SETBP1: variants seen among roughly 807,000 people sequenced by gnomAD.
SETBP1 encodes the protein SET binding protein 1, also known as SET-binding protein.
SETBP1 carries 9 observed loss-of-function variants against 101.0 expected under a neutral mutation model. That is an observed-to-expected ratio of 0.09 (90% CI 0.05 to 0.16). SETBP1 has a LOEUF of 0.16. Among genes scored for constraint, SETBP1 ranks in the 10% least tolerant of loss-of-function variants. The pLI, the probability that SETBP1 is intolerant of heterozygous loss-of-function variation, is 1.00. For synonymous variants in SETBP1, 818 were observed against 788.5 expected (o/e 1.04, Z -0.63); for missense variants, 1,858 against 2,033.8 (o/e 0.91, Z 1.66).
intron 2 of SETBP1, among the ~76,000 whole-genome samples, chr18:44,795,563 A>T (rs2071457336): frequency 6.6e-6 from 1 of 152,188 alleles, no homozygotes; most frequent in Admixed American, 6.5e-5. Context: ...GGTGATTATT[A>T]TCTGATGAAA....
At chr18:44,875,154 A>G (rs1442925821) in intron 3 of SETBP1, among the ~76,000 whole-genome samples, 1 of 152,148 alleles carries the variant, frequency 6.6e-6, no homozygotes, top group African/African-American at 2.4e-5. Flanking sequence ...GTTTTTCAGA[A>G]CAAAGTCACC....
intron 2 of SETBP1, among the ~76,000 whole-genome samples, chr18:44,705,160 T>C (rs1200453286): frequency 2.6e-5 from 4 of 152,262 alleles, no homozygotes; most frequent in Non-Finnish European, 5.9e-5. Context: ...TAATGTTTTT[T>C]ACATTTTTAA....
At chr18:44,816,886 G>A (rs1440650966) in intron 2 of SETBP1, among the ~76,000 whole-genome samples, 1 of 152,194 alleles carries the variant, frequency 6.6e-6, no homozygotes, top group Non-Finnish European at 1.5e-5. Context: ...GATACTGTGT[G>A]TCTTACTCTG....
chr18:44,952,560 T>C lies in SETBP1; in HGVS notation c.3220T>C (p.Tyr1074His). Residue 1074 changes from tyrosine (Y) to histidine (H), a missense_variant, in exon 4 of 6, where the codon TAC becomes CAC. Tyr to His is a moderately conservative substitution (Grantham distance 83). This residue lies in a region of SETBP1 where 255 missense variants were observed against 300.1 expected (regional missense o/e 0.85). Coordinates refer to ENST00000649279, the MANE Select transcript of SETBP1 (RefSeq NM_015559.3). ...TTACGGTCAGTACCCAGCTCCTTTGTACCTATCGCACACGCTTGGAGCAGC... is the reference window on the plus strand; with the variant it reads ...TTACGGTCAGTACCCAGCTCCTTTGCACCTATCGCACACGCTTGGAGCAGC... Reference protein sequence around the residue: ...GYYGQYPAPLYLSHTLGAASP... With the variant: ...GYYGQYPAPLHLSHTLGAASP... 6.2e-7 allele frequency: 1 copy of C among 1,614,086 alleles called. No homozygotes were observed. Among genetic ancestry groups the C allele is most frequent in the South Asian group, 1.1e-5 (1 of 91,078 alleles).
In SETBP1 at chr18:44,865,800, G is replaced by A. The variant is rs558425903; in HGVS notation, c.487-3430G>A. On this transcript the variant is annotated intron_variant, in intron 2 of 5. Transcript: ENST00000649279. ...TAATGGTGAGGAAAGACACACTGTT[G>A]TACATACCGTTTTTTCAGGACGCAT... Among the ~76,000 whole-genome samples the A allele has an allele frequency of 6.6e-4, 100 of 152,298 alleles. No individual in the cohort carries two copies. In the South Asian group the frequency reaches 0.019, roughly 29 times the overall value.
chr18:44,751,253 C>T (rs1423249487), intron 2 of SETBP1, among the ~76,000 whole-genome samples: 6 of 152,200 alleles, frequency 3.9e-5, no homozygotes, highest in Non-Finnish European at 8.8e-5. Flanking sequence ...TTCCCCACAG[C>T]TAGCCACTGC....
At chr18:44,683,956 G>T (rs1310474252) in intron 1 of SETBP1, among the ~76,000 whole-genome samples, 6 of 152,202 alleles carry the variant, frequency 3.9e-5, no homozygotes, top group Admixed American at 3.3e-4. Flanking sequence ...TTTAAAAATG[G>T]GATGGTGTTA....
chr18:44,803,398 C>T (rs1461194551), intron 2 of SETBP1, among the ~76,000 whole-genome samples: 2 of 152,090 alleles, frequency 1.3e-5, no homozygotes, highest in East Asian at 1.9e-4. Context: ...TACATCGGAG[C>T]TAAATATAGC....
chr18:44,775,843 A>G (rs1001371206), intron 2 of SETBP1, among the ~76,000 whole-genome samples: 1 of 152,164 alleles, frequency 6.6e-6, no homozygotes, highest in Non-Finnish European at 1.5e-5. Context: ...CATAGATCAT[A>G]GATACATGAT....
intron 3 of SETBP1, among the ~76,000 whole-genome samples, chr18:44,935,970 T>C (rs1386154508): frequency 1.3e-5 from 2 of 152,232 alleles, no homozygotes; most frequent in Non-Finnish European, 2.9e-5. Flanking sequence ...GAATGTGTTA[T>C]GTTTCTTTCT....
At chr18:44,729,476 T>A (rs1243646158) in intron 2 of SETBP1, among the ~76,000 whole-genome samples, 2 of 152,212 alleles carry the variant, frequency 1.3e-5, no homozygotes, top group African/African-American at 4.8e-5. Flanking sequence ...GGGATTTAGT[T>A]GTTGAATGAG....
At chr18:44,828,654 A>G (rs942215789) in intron 2 of SETBP1, among the ~76,000 whole-genome samples, 6 of 152,276 alleles carry the variant, frequency 3.9e-5, no homozygotes, top group African/African-American at 1.2e-4. Context: ...TTGTATCTAC[A>G]GGGCTGCTGT....
intron 3 of SETBP1, among the ~76,000 whole-genome samples, chr18:44,908,961 T>C (rs2070241516): frequency 6.6e-6 from 1 of 152,214 alleles, no homozygotes; most frequent in Admixed American, 6.5e-5. Flanking sequence ...TTTTGCCATA[T>C]TTATTAACCT....
At chr18:44,986,001 TTA>T (rs1441877262) in intron 4 of SETBP1, 14 of 152,192 alleles carry the variant, frequency 9.2e-5, no homozygotes, top group Non-Finnish European at 1.5e-5. Context: ...AAAATATACA[TTA>T]TGGCAGAGAG....
chr18:45,057,806 G>T (rs2073833628), intron 5 of SETBP1, among the ~76,000 whole-genome samples: 1 of 152,178 alleles, frequency 6.6e-6, no homozygotes, highest in African/African-American at 2.4e-5. Context: ...TTGTACATGG[G>T]CAAAGTACAG....
intron 2 of SETBP1, among the ~76,000 whole-genome samples, chr18:44,709,812 A>ATTTTTTTTTTTTT (rs35610551): frequency 8.2e-6 from 1 of 121,602 alleles, no homozygotes; most frequent in African/African-American, 3.2e-5. Flanking sequence ...ATCACTAATG[A>ATTTTTTTTTTTTT]TTTTTTTTTT....
chr18:44,800,712 A>T (rs2071588181), intron 2 of SETBP1, among the ~76,000 whole-genome samples: 1 of 152,144 alleles, frequency 6.6e-6, no homozygotes, highest in Non-Finnish European at 1.5e-5. Context: ...CAATGAACTG[A>T]TGAGAAACAG....
intron 3 of SETBP1, among the ~76,000 whole-genome samples, chr18:44,911,358 C>T (rs917706543): frequency 5.3e-5 from 8 of 152,252 alleles, no homozygotes; most frequent in East Asian, 3.9e-4. Flanking sequence ...GCAAAAACAG[C>T]GATTACTTTT....
intron 3 of SETBP1, among the ~76,000 whole-genome samples, chr18:44,878,199 G>T (rs959750492): frequency 3.9e-5 from 6 of 152,168 alleles, no homozygotes; most frequent in African/African-American, 1.4e-4. Context: ...AGGCCAACTG[G>T]TTGAAGTAAC....
Sources: gnomAD v4.1 joint callset for allele counts (sites outside exome capture counted in the v4.1 genomes callset) on GRCh38, gnomAD v4.1.1 for gene constraint, gnomAD v4.1.1 regional missense constraint, MANE v1.5 for transcripts, NCBI Gene and HGNC (gene_info 2026-07-23, HGNC 2026-07-21) for gene names.